The following MYBPC3 variants were observed in gnomAD, a reference collection of about 807,000 sequenced individuals.
MYBPC3 encodes the protein myosin-binding protein C, cardiac-type.
In MYBPC3, 108 loss-of-function variants were observed where a neutral mutation model predicts 159.3. The observed-to-expected ratio is 0.68, with a 90% CI of 0.58 to 0.80. The LOEUF (loss-of-function observed/expected upper bound fraction) is 0.80. Ranked by LOEUF, MYBPC3 falls within the 30% of genes least tolerant of loss-of-function variation. The pLI is 0.00. For synonymous variants in MYBPC3, 730 were observed against 702.0 expected (o/e 1.04, Z -0.63); for missense variants, 1,631 against 1,762.1 (o/e 0.93, Z 1.33).
chr11:47,347,347 A>C, intron 9 of MYBPC3, 79 bp downstream of exon 9: 1 of 1,551,196 alleles, frequency 6.4e-7, no homozygotes, highest in Non-Finnish European at 8.7e-7. Flanking sequence ...GCTCAGGGTC[A>C]CACAGCTGGC....
rs777170653 is a variant in MYBPC3, at chr11:47,351,244, T to A, written c.287A>T (p.Glu96Val). Reference sequence around the variant, plus strand: ...AAGGCTGATCAGGATCTTACCTGCCTCTATGACCTTGAGGTCGAACTTGAC... The same window carrying A: ...AAGGCTGATCAGGATCTTACCTGCCACTATGACCTTGAGGTCGAACTTGAC... Reference protein sequence around the residue: ...SKVKFDLKVIEAEKAEPMLAP... With the variant: ...SKVKFDLKVIVAEKAEPMLAP... The change falls in exon 2 of 35, where the codon GAG (glutamate) becomes GTG (valine). Residue 96 changes from glutamate to valine, a missense_variant. Glu to Val is a moderately radical substitution (Grantham distance 121). Coordinates refer to ENST00000545968, the MANE Select transcript of MYBPC3 (RefSeq NM_000256.3). The surrounding 1 kb of genome is among the most constrained non-coding windows in gnomAD (Gnocchi z 4.2). The A allele has an allele frequency of 2.0e-6, 3 of 1,489,262 alleles. No homozygotes were observed. Among genetic ancestry groups the A allele is most frequent in the South Asian group, 1.2e-5 (1 of 82,548 alleles). The allele number at this position is 1,489,262 out of a possible 1,614,324, so 92.3% of individuals were successfully genotyped here. A position where few individuals can be genotyped will look rare whatever the true frequency, so the allele number is the denominator to read the frequency against.
Position 47,338,404 on chromosome 11 carries a change from G to A in MYBPC3, c.2308+116C>T, listed in dbSNP as rs74355846. 4.3e-5 allele frequency: 62 copies of A among 1,449,450 alleles called. No homozygotes were observed. In the East Asian group the frequency reaches 1.1e-3, roughly 26 times the overall value. The allele number at this position is 1,449,450 out of a possible 1,614,324, so 89.8% of individuals were successfully genotyped here. A position where few individuals can be genotyped will look rare whatever the true frequency, so the allele number is the denominator to read the frequency against. ...GGGCAGAAAAACCTGTCCTGTTGCC[G>A]CTCGGCTCAGGGAGCATGCCCGTGA... On this transcript the variant is annotated intron_variant, in intron 23 of 34. Transcript: ENST00000545968. This position sits in a 1 kb window ranked among gnomAD's most constrained non-coding sequence, Gnocchi z 4.7.
rs543295860 is a variant in MYBPC3 at position 47,351,121 on chromosome 11, G to T, written c.292+118C>A. ...AAGGGCGTTCCTGGCGGGGGGCACAGCCACAGCAAAGGCAAGAAAGTGTGA... is the reference window on the plus strand; with the variant it reads ...AAGGGCGTTCCTGGCGGGGGGCACATCCACAGCAAAGGCAAGAAAGTGTGA... On this transcript the variant is annotated intron_variant, in intron 2 of 34. Transcript: ENST00000545968. The surrounding 1 kb of genome is among the most constrained non-coding windows in gnomAD (Gnocchi z 4.2). The T allele has an allele frequency of 1.5e-6, 2 of 1,309,018 alleles. No individual in the cohort carries two copies. The highest frequency in any genetic ancestry group is 3.4e-5 in the South Asian group (2 of 59,030). 81.1% of individuals were successfully genotyped at this position (1,309,018 alleles called of 1,614,324 possible).
rs1363489095 is a variant in MYBPC3, at chr11:47,335,902, G to A, written c.2712C>T (p.Tyr904=). 1.6e-5 allele frequency: 24 copies of A among 1,539,474 alleles called. No individual in the cohort carries two copies. Among genetic ancestry groups the A allele is most frequent in the African/African-American group, 2.8e-5 (2 of 72,398 alleles). ...AGCCCTCTGGGCAGTACTCCACGCT[G>A]TAGCCATCCAGGCCTCCTGCTCCCA... ...ERVGAGGLDG[Y]SVEYCPEGCS... is the part of the protein sequence containing the mutation. Residue 904 remains tyrosine, a synonymous_variant, in exon 26 of 35, where the codon TAC becomes TAT. Coordinates refer to ENST00000545968, the MANE Select transcript of MYBPC3 (RefSeq NM_000256.3).
At chr11:47,348,927 T>TATATATATATATATATATATATATATG in intron 5 of MYBPC3, among the ~76,000 whole-genome samples, 1 of 126,242 alleles carries the variant, frequency 7.9e-6, no homozygotes, top group South Asian at 2.6e-4. Context: ...TATATATATA[T>TATATATATATATATATATATATATATG]TTAAAGGAGG....
chr11:47,351,156 C>T lies in MYBPC3; in HGVS notation c.292+83G>A. 7.0e-7 allele frequency: 1 copy of T among 1,424,790 alleles called. No homozygotes were observed. The highest frequency in any genetic ancestry group is 9.3e-7 in the Non-Finnish European group (1 of 1,080,454). The allele number at this position is 1,424,790 out of a possible 1,614,324, so 88.3% of individuals were successfully genotyped here. On this transcript the variant is annotated intron_variant, in intron 2 of 34. Transcript: ENST00000545968. The surrounding 1 kb of genome is among the most constrained non-coding windows in gnomAD (Gnocchi z 4.2). ...AGGCAAGAAAGTGTGAAAGCACCTC[C>T]TGTTCCCTGGATGGATGGAGAGTCG...
In MYBPC3 at chr11:47,331,589, G is replaced by A. The variant is rs1007021797; in HGVS notation, c.*154C>T. 2.7e-5 allele frequency: 13 copies of A among 484,840 alleles called. No individual in the cohort carries two copies. The highest frequency in any genetic ancestry group is 5.8e-5 in the African/African-American group (3 of 51,464). The allele number at this position is 484,840 out of a possible 1,614,324, so 30.0% of individuals were successfully genotyped here. Reference sequence around the variant, plus strand: ...GTGCAACACCCACTCAGGACTGCCCGACAACTGCCCTGCTGATCCCCCATC... The same window carrying A: ...GTGCAACACCCACTCAGGACTGCCCAACAACTGCCCTGCTGATCCCCCATC... On this transcript the variant is annotated 3_prime_UTR_variant, in exon 35 of 35. Transcript: ENST00000545968.
Position 47,332,739 on chromosome 11 carries a change from C to A in MYBPC3, c.3491-37G>T, listed in dbSNP as rs952988940. The A allele has an allele frequency of 6.3e-7, 1 of 1,587,758 alleles. No homozygotes were observed. The highest frequency in any genetic ancestry group is 1.3e-5 in the African/African-American group (1 of 74,316). ...AGGACTTGGTACCGAGAGGGCCACA[C>A]AAAGCTAGGCCCCTCTCCCTGTTCC... On this transcript the variant is annotated intron_variant, in intron 31 of 34. Coordinates refer to ENST00000545968, the MANE Select transcript of MYBPC3 (RefSeq NM_000256.3). This position sits in a 1 kb window ranked among gnomAD's most constrained non-coding sequence, Gnocchi z 4.2.
Position 47,346,213 on chromosome 11 carries a change from T to C in MYBPC3, c.1084A>G (p.Ser362Gly), listed in dbSNP as rs730880633. The change falls in exon 12 of 35, where the codon AGC becomes GGC. Residue 362 changes from serine (S) to glycine (G), a missense_variant. Ser to Gly is a moderately conservative substitution (Grantham distance 56). Transcript: ENST00000545968. This position sits in a 1 kb window ranked among gnomAD's most constrained non-coding sequence, Gnocchi z 5.3. The stretch of plus-strand genomic sequence containing the variant: ...CCTCTGAGGAAGGGCTAACCTGTGC[T>C]CTTCTTCTCATCGCGCCTCATGCCC... Reference protein sequence around the residue: ...LKGMRRDEKKSTAFQKKLEPA... With the variant: ...LKGMRRDEKKGTAFQKKLEPA... 1.2e-6 allele frequency: 2 copies of C among 1,613,836 alleles called. No homozygotes were observed. The highest frequency in any genetic ancestry group is 8.5e-7 in the Non-Finnish European group (1 of 1,179,788).
At chr11:47,337,357 G>A (rs1200807448) in intron 25 of MYBPC3, 34 bp downstream of exon 25, 2 of 1,536,666 alleles carry the variant, frequency 1.3e-6, no homozygotes, top group South Asian at 1.2e-5. Flanking sequence ...ACTGGGGAGG[G>A]GGCGGGGGGC....
At chr11:47,345,274 C>T (rs2095893009) in intron 12 of MYBPC3, among the ~76,000 whole-genome samples, 1 of 152,172 alleles carries the variant, frequency 6.6e-6, no homozygotes, top group Non-Finnish European at 1.5e-5. Flanking sequence ...TCAGGGGATC[C>T]CTGGCTTAAA....
intron 12 of MYBPC3, among the ~76,000 whole-genome samples, chr11:47,344,456 G>C (rs1182720935): frequency 6.6e-6 from 1 of 152,190 alleles, no homozygotes; most frequent in African/African-American, 2.4e-5. Context: ...GCTGGGTCTT[G>C]AGCCCAGCCC....
intron 6 of MYBPC3, among the ~76,000 whole-genome samples, chr11:47,348,107 A>G (rs569462094): frequency 6.6e-6 from 1 of 152,220 alleles, no homozygotes; most frequent in South Asian, 2.1e-4. Context: ...ATTGTCCCCA[A>G]TTCCCACCCA....
In MYBPC3 at chr11:47,342,013, T is replaced by C. The variant is rs754904833; in HGVS notation, c.1768A>G (p.Ile590Val). ...NGKELVPDSR[I>V]KVSHIGRVHK... ...CACCGCCCGATGTGGGACACCTTTA[T>C]GCGGCTGTCGGGCACCAGCTCCTTC... Residue 590 changes from isoleucine (I) to valine (V), a missense_variant, in exon 18 of 35, where the codon ATA becomes GTA. Physicochemically the swap from Ile to Val is conservative, Grantham distance 29. Coordinates refer to ENST00000545968, the MANE Select transcript of MYBPC3 (RefSeq NM_000256.3). 6.3e-7 allele frequency: 1 copy of C among 1,578,636 alleles called. No individual in the cohort carries two copies. Among genetic ancestry groups the C allele is most frequent in the Non-Finnish European group, 8.6e-7 (1 of 1,161,390 alleles).
Position 47,331,852 on chromosome 11 carries a change from T to C in MYBPC3, c.*19A>G. On this transcript the variant is annotated 3_prime_UTR_variant, in exon 34 of 35. Coordinates refer to ENST00000545968, the MANE Select transcript of MYBPC3 (RefSeq NM_000256.3). ...GTGTCGGGTGGTACATACCTGGCCA[T>C]CCCCAGGAGCCAGCCTGGTCACTGA... 6.2e-7 allele frequency: 1 copy of C among 1,607,604 alleles called. No homozygotes were observed. The highest frequency in any genetic ancestry group is 8.5e-7 in the Non-Finnish European group (1 of 1,177,472).
chr11:47,351,088 A>G lies in MYBPC3; in HGVS notation c.292+151T>C. 2 of 1,043,574 alleles carry G rather than the reference A, an allele frequency of 1.9e-6. No homozygotes were observed. Among genetic ancestry groups the G allele is most frequent in the South Asian group, 3.7e-5 (2 of 53,848 alleles). The allele number at this position is 1,043,574 out of a possible 1,614,324, so 64.6% of individuals were successfully genotyped here. On this transcript the variant is annotated intron_variant, in intron 2 of 34. Transcript: ENST00000545968. The surrounding 1 kb of genome is among the most constrained non-coding windows in gnomAD (Gnocchi z 4.2). ...GTACTCAGAGAGGTCATGTGCAGAA[A>G]AGGGGGAAAGGGCGTTCCTGGCGGG... is the stretch of plus-strand genomic sequence containing the variant.
intron 30 of MYBPC3, 58 bp from the exon 31 acceptor site, chr11:47,333,031 GC>G (rs2095878783): frequency 6.4e-7 from 1 of 1,561,872 alleles, no homozygotes; most frequent in Non-Finnish European, 8.7e-7. Flanking sequence ...GATGCCGAGA[GC>G]CTCTCCTGGG....
rs1165896296 is a variant in MYBPC3 at position 47,338,022 on chromosome 11, A to C, written c.2309-228T>G. 1.5e-5 allele frequency among the ~76,000 whole-genome samples: 2 copies of C among 136,688 alleles called. No individual in the cohort carries two copies. The highest frequency in any genetic ancestry group is 3.0e-5 in the Non-Finnish European group (2 of 65,720). The allele number at this position is 136,688 out of a possible 152,430, so 89.7% of individuals were successfully genotyped here. A position where few individuals can be genotyped will look rare whatever the true frequency, so the allele number is the denominator to read the frequency against. ...TCCAGGCTGGGTCTCAACAGGATGC[A>C]TTTCTGATCATGTCGCCAGCCCTCC... On this transcript the variant is annotated intron_variant, in intron 23 of 34. Coordinates refer to ENST00000545968, the MANE Select transcript of MYBPC3 (RefSeq NM_000256.3). This position sits in a 1 kb window ranked among gnomAD's most constrained non-coding sequence, Gnocchi z 4.7.
Position 47,351,387 on chromosome 11 carries a change from G to A in MYBPC3, c.144C>T (p.Asp48=), listed in dbSNP as rs1201191965. The A allele has an allele frequency of 6.2e-7, 1 of 1,609,540 alleles. No individual in the cohort carries two copies. The highest frequency in any genetic ancestry group is 1.1e-5 in the South Asian group (1 of 90,338). Residue 48 remains aspartate, a synonymous_variant, in exon 2 of 35, where the codon GAC becomes GAT. Coordinates refer to ENST00000545968, the MANE Select transcript of MYBPC3 (RefSeq NM_000256.3). This position sits in a 1 kb window ranked among gnomAD's most constrained non-coding sequence, Gnocchi z 4.2. ...VKVRWQRGGS[D]ISASNKYGLA... is the part of the protein sequence containing the mutation. Reference sequence around the variant, plus strand: ...GGCCGTACTTGTTGCTGGCGCTGATGTCACTGCCTCCGCGCTGCCAGCGCA... The same window carrying A: ...GGCCGTACTTGTTGCTGGCGCTGATATCACTGCCTCCGCGCTGCCAGCGCA...
Sources: gnomAD v4.1 joint callset for allele counts (sites outside exome capture counted in the v4.1 genomes callset) on GRCh38, gnomAD v4.1.1 for gene constraint, Gnocchi (gnomAD v3.1) non-coding constraint, MANE v1.5 for transcripts, NCBI Gene and HGNC (gene_info 2026-07-23, HGNC 2026-07-21) for gene names.